Variants in ACSL6 observed in about 807,000 individuals in gnomAD.
The protein encoded by ACSL6 is long-chain-fatty-acid--CoA ligase 6.
ACSL6 carries 47 observed loss-of-function variants against 98.2 expected under a neutral mutation model. The observed-to-expected ratio is 0.48, with a 90% CI of 0.38 to 0.61. The LOEUF (loss-of-function observed/expected upper bound fraction) is 0.61. Ranked by LOEUF, ACSL6 falls within the 20% of genes least tolerant of loss-of-function variation. ACSL6 has a pLI of 0.00. For synonymous variants in ACSL6, 362 were observed against 336.9 expected (o/e 1.07, Z -0.82); for missense variants, 761 against 913.4 (o/e 0.83, Z 2.15).
At chr5:132,009,206 C>A (rs1204875080) in intron 1 of ACSL6, among the ~76,000 whole-genome samples, 1 of 152,234 alleles carries the variant, frequency 6.6e-6, no homozygotes, top group East Asian at 1.9e-4. Flanking sequence ...CACCCCCATC[C>A]CCGACTTTAT....
chr5:131,997,055 C>A (rs1754829085), intron 1 of ACSL6, among the ~76,000 whole-genome samples: 3 of 151,834 alleles, frequency 2.0e-5, no homozygotes, highest in Admixed American at 2.0e-4. Flanking sequence ...AAGCACTGAG[C>A]CCACAAAATC....
At chr5:131,988,684 A>G (rs7716905) in intron 6 of ACSL6, 121 bp downstream of exon 6, 80,619 of 1,581,398 alleles carry the variant, frequency 0.051, 7,504 homozygotes, top group African/African-American at 0.41. Context: ...GTAAGCCCCT[A>G]GTATTTTCTG....
At chr5:131,958,324 C>T (rs1650172695) in intron 20 of ACSL6, among the ~76,000 whole-genome samples, 1 of 152,196 alleles carries the variant, frequency 6.6e-6, no homozygotes, top group South Asian at 2.1e-4. Flanking sequence ...GGCCTACGAC[C>T]ACTCATTTGT....
chr5:131,989,532 A>G, intron 4 of ACSL6, 24 bp from the exon 5 acceptor site: 2 of 1,390,942 alleles, frequency 1.4e-6, no homozygotes, highest in South Asian at 1.1e-5. Context: ...TGGGGAAGTG[A>G]TGGGAAAACA....
rs577917751 is a variant in ACSL6, at chr5:132,006,413, T to C, written c.49+5092A>G. 3 of 152,336 alleles carry C rather than the reference T, an allele frequency of 2.0e-5. No homozygotes were observed. The South Asian group carries it at 6.2e-4, about 32-fold the overall frequency. The allele number at this position is 152,336 out of a possible 1,614,324, so 9.4% of individuals were successfully genotyped here. A position where few individuals can be genotyped will look rare whatever the true frequency, so the allele number is the denominator to read the frequency against. ...GGATCTCCCGAGGCAGCCGAGCAAA[T>C]GATGAGGAACCACCCCTGGGCATCC... is the stretch of plus-strand genomic sequence containing the variant. On this transcript the variant is annotated intron_variant, in intron 1 of 20. Transcript: ENST00000651883.
chr5:132,001,181 A>G (rs1237475236), intron 1 of ACSL6, among the ~76,000 whole-genome samples: 4 of 152,176 alleles, frequency 2.6e-5, no homozygotes, highest in South Asian at 4.1e-4. Context: ...CTGGGGCAGG[A>G]AATCCAGTGG....
chr5:131,975,267 C>T, intron 10 of ACSL6: 2 of 1,242,106 alleles, frequency 1.6e-6, no homozygotes, highest in Non-Finnish European at 2.0e-6. Context: ...AAGCAAAGAG[C>T]CAAATGAAGC....
chr5:132,010,268 T>A (rs1009593612), intron 1 of ACSL6, among the ~76,000 whole-genome samples: 1 of 152,146 alleles, frequency 6.6e-6, no homozygotes, highest in Non-Finnish European at 1.5e-5. Context: ...GTGAAGGAAG[T>A]GATTACTAGG....
chr5:131,970,236 A>G, intron 14 of ACSL6, 36 bp from the exon 15 acceptor site: 2 of 1,605,044 alleles, frequency 1.2e-6, no homozygotes, highest in Non-Finnish European at 1.7e-6. Context: ...CTATGGGCAC[A>G]CACCCTCCAA....
chr5:131,978,503 G>A (rs1304408077), intron 9 of ACSL6, among the ~76,000 whole-genome samples: 1 of 152,182 alleles, frequency 6.6e-6, no homozygotes, highest in Non-Finnish European at 1.5e-5. Flanking sequence ...AGGAACAGAG[G>A]AGAGAAGGAC....
intron 6 of ACSL6, chr5:131,988,546 A>G: frequency 1.3e-6 from 2 of 1,555,372 alleles, no homozygotes; most frequent in Non-Finnish European, 1.7e-6. Flanking sequence ...TGAACTTCAG[A>G]GGGCTGTACC....
intron 1 of ACSL6, among the ~76,000 whole-genome samples, chr5:131,996,733 C>G (rs77409091): frequency 6.6e-6 from 1 of 152,236 alleles, no homozygotes; most frequent in African/African-American, 2.4e-5. Flanking sequence ...ATCCATCTGT[C>G]TTTCAACGCA....
In ACSL6 at chr5:131,990,464, A is replaced by T. The variant is rs1754444804; in HGVS notation, c.386-300T>A. Reference sequence around the variant, plus strand: ...TATTACAGACCCAAAGGATACAGACACCTGGGGACCACTGGGAGGAGGTGG... The same window carrying T: ...TATTACAGACCCAAAGGATACAGACTCCTGGGGACCACTGGGAGGAGGTGG... On this transcript the variant is annotated intron_variant, in intron 3 of 20. Transcript: ENST00000651883. Among the ~76,000 whole-genome samples the T allele has an allele frequency of 2.6e-5, 4 of 152,258 alleles. No homozygotes were observed. The South Asian group carries it at 8.3e-4, about 32-fold the overall frequency.
chr5:131,973,807 G>C (rs1336320271), intron 11 of ACSL6: 1 of 164,900 alleles, frequency 6.1e-6, no homozygotes, highest in African/African-American at 2.4e-5. Flanking sequence ...GGGAATTCTG[G>C]GAAGGTGAAG....
At position 131,958,166 on chromosome 5, in the gene ACSL6, TCATGATACTCTGTGTGC is replaced by T. The variant is rs369779607; in HGVS notation, c.2031+1353_2031+1369del. ...TTTTCCATGAAGAGGAATCTGGGTG[TCATGATACTCTGTGTGC>T]CCTGGGACAGGTCCCGCATCCAAAC... On this transcript the variant is annotated intron_variant, in intron 20 of 20. Transcript: ENST00000651883. Among the ~76,000 whole-genome samples, 1,351 of 152,318 alleles carry T rather than the reference TCATGATACTCTGTGTGC, an allele frequency of 8.9e-3. 22 individuals carry two copies. The highest frequency in any genetic ancestry group is 0.031 in the African/African-American group (1,285 of 41,572).
At position 131,973,272 on chromosome 5, in the gene ACSL6, G is replaced by A. The variant is rs772025957; in HGVS notation, c.1197C>T (p.Tyr399=). 144 of 1,613,896 alleles carry A rather than the reference G, an allele frequency of 8.9e-5. No homozygotes were observed. The highest frequency in any genetic ancestry group is 1.6e-4 in the Middle Eastern group (1 of 6,080). The stretch of plus-strand genomic sequence containing the variant: ...GACTCCCTGCAGAACTTACCTTGTC[G>A]TACATCCGGTTCAGCAGTCGTGGGA... ...PVVPRLLNRM[Y]DKIFSQANTP... Residue 399 remains tyrosine (Y), a synonymous_variant, in exon 12 of 21, where the codon TAC becomes TAT. Coordinates refer to ENST00000651883, the MANE Select transcript of ACSL6 (RefSeq NM_001009185.3).
At chr5:132,000,209 T>C (rs1402746230) in intron 1 of ACSL6, among the ~76,000 whole-genome samples, 1 of 152,010 alleles carries the variant, frequency 6.6e-6, no homozygotes, top group Non-Finnish European at 1.5e-5. Context: ...ATAAAACATC[T>C]GCTTAGGGAT....
intron 1 of ACSL6, among the ~76,000 whole-genome samples, chr5:132,000,047 T>A (rs1754998483): frequency 6.6e-6 from 1 of 151,602 alleles, no homozygotes; most frequent in Non-Finnish European, 1.5e-5. Flanking sequence ...GAGTAGGGGA[T>A]GGGGATGCTA....
At chr5:131,987,191 C>T (rs1448291189) in intron 7 of ACSL6, among the ~76,000 whole-genome samples, 2 of 152,182 alleles carry the variant, frequency 1.3e-5, no homozygotes, top group African/African-American at 4.8e-5. Context: ...CCACCCCACA[C>T]ATTACAGACA....
Sources: gnomAD v4.1 joint callset for allele counts (sites outside exome capture counted in the v4.1 genomes callset) on GRCh38, gnomAD v4.1.1 for gene constraint, MANE v1.5 for transcripts, NCBI Gene and HGNC (gene_info 2026-07-23, HGNC 2026-07-21) for gene names.